The following DOCK1 variants were observed in gnomAD, a reference collection of about 807,000 sequenced individuals.
DOCK1 encodes dedicator of cytokinesis 1.
Under a neutral mutation model 262.7 loss-of-function variants are expected in DOCK1, and 138 were observed. The ratio of observed to expected loss-of-function variants is 0.53; its 90% confidence interval spans 0.46 to 0.61. The LOEUF is 0.61. DOCK1 is among the 20% of genes least tolerant of loss of function. DOCK1 has a pLI of 0.00. For missense variants in DOCK1, 1,908 were observed against 2,370.7 expected (o/e 0.80, Z 4.05); for synonymous variants, 866 against 867.4 (o/e 1.00, Z 0.03).
intron 27 of DOCK1, among the ~76,000 whole-genome samples, chr10:127,215,466 T>C (rs112747014): frequency 4.4e-4 from 67 of 152,284 alleles, no homozygotes; most frequent in African/African-American, 1.5e-3. Context: ...AGCCGGGGCA[T>C]CTAACCAAGA....
chr10:126,999,239 C>A, intron 8 of DOCK1, 115 bp from the exon 9 acceptor site: 1 of 732,044 alleles, frequency 1.4e-6, no homozygotes, highest in African/African-American at 1.8e-5. Flanking sequence ...TTTATAAACT[C>A]AATAGTTGTC....
intron 27 of DOCK1, among the ~76,000 whole-genome samples, chr10:127,210,981 C>G (rs2057948545): frequency 6.6e-6 from 1 of 152,112 alleles, no homozygotes. Flanking sequence ...TTTTGTTGTA[C>G]TTTATTATTT....
At chr10:127,183,637 C>T (rs1006399800) in intron 27 of DOCK1, among the ~76,000 whole-genome samples, 1 of 152,126 alleles carries the variant, frequency 6.6e-6, no homozygotes, top group Non-Finnish European at 1.5e-5. Context: ...ATACAGTTTG[C>T]AGTTCATGGC....
At chr10:127,413,333 G>A (rs895722106) in intron 43 of DOCK1, among the ~76,000 whole-genome samples, 6 of 152,188 alleles carry the variant, frequency 3.9e-5, no homozygotes, top group Non-Finnish European at 7.3e-5. Context: ...ATCCCCTAAT[G>A]GCCCTGTTGA....
chr10:127,123,384 A>G (rs1273034707), intron 25 of DOCK1, among the ~76,000 whole-genome samples: 1 of 152,178 alleles, frequency 6.6e-6, no homozygotes, highest in Admixed American at 6.5e-5. Context: ...GTTTCCAGCC[A>G]AAGGGCAAGA....
At chr10:126,918,175 C>T (rs1031431288) in intron 1 of DOCK1, among the ~76,000 whole-genome samples, 2 of 152,186 alleles carry the variant, frequency 1.3e-5, no homozygotes, top group African/African-American at 4.8e-5. Flanking sequence ...TCAGGATCAC[C>T]AGCGTGCAGC....
At chr10:127,297,846 A>C (rs2135410411) in intron 29 of DOCK1, among the ~76,000 whole-genome samples, 1 of 152,226 alleles carries the variant, frequency 6.6e-6, no homozygotes, top group Admixed American at 6.5e-5. Flanking sequence ...AAAGCTATGC[A>C]TTATTCAGAC....
At chr10:127,029,727 C>T (rs1231709040) in intron 16 of DOCK1, among the ~76,000 whole-genome samples, 3 of 152,178 alleles carry the variant, frequency 2.0e-5, no homozygotes, top group Non-Finnish European at 1.5e-5. Flanking sequence ...GTCCATTCCT[C>T]GGATGTGAAG....
At chr10:127,445,729 A>G (rs1397416335) in intron 50 of DOCK1, among the ~76,000 whole-genome samples, 1 of 152,220 alleles carries the variant, frequency 6.6e-6, no homozygotes, top group African/African-American at 2.4e-5. Context: ...ATTTTTCAAG[A>G]GCCAGTAAGC....
chr10:127,241,869 G>A (rs890515681), intron 27 of DOCK1, among the ~76,000 whole-genome samples: 3 of 152,146 alleles, frequency 2.0e-5, no homozygotes, highest in Non-Finnish European at 4.4e-5. Flanking sequence ...GGAGTGAGTT[G>A]GAGAGCCCCT....
chr10:127,375,868 T>G (rs1446398996), intron 35 of DOCK1, among the ~76,000 whole-genome samples: 2 of 152,134 alleles, frequency 1.3e-5, no homozygotes, highest in Non-Finnish European at 2.9e-5. Flanking sequence ...TTGAAAACAA[T>G]CAACAATTAT....
chr10:127,222,537 A>T (rs182844736), intron 27 of DOCK1, among the ~76,000 whole-genome samples: 1 of 152,294 alleles, frequency 6.6e-6, no homozygotes, highest in East Asian at 1.9e-4. Flanking sequence ...AACATCATAA[A>T]CAAGTTTCCT....
chr10:127,045,248 G>T (rs2044272257), intron 21 of DOCK1, among the ~76,000 whole-genome samples: 2 of 147,222 alleles, frequency 1.4e-5, no homozygotes, highest in Admixed American at 6.8e-5. Flanking sequence ...TCAATCTATG[G>T]AATCTGCTGA....
At chr10:126,949,064 C>T (rs2035922825) in intron 1 of DOCK1, among the ~76,000 whole-genome samples, 2 of 152,138 alleles carry the variant, frequency 1.3e-5, no homozygotes, top group Admixed American at 6.6e-5. Context: ...TCCTGGCCTC[C>T]CCTTTCTGGG....
At chr10:126,952,582 T>G (rs1255743549) in intron 1 of DOCK1, among the ~76,000 whole-genome samples, 1 of 151,878 alleles carries the variant, frequency 6.6e-6, no homozygotes, top group Non-Finnish European at 1.5e-5. Flanking sequence ...GGTGATGTAG[T>G]ATTGTTGGTA....
intron 23 of DOCK1, among the ~76,000 whole-genome samples, chr10:127,080,835 G>T (rs2046856255): frequency 6.6e-6 from 1 of 152,096 alleles, no homozygotes; most frequent in Admixed American, 6.6e-5. Flanking sequence ...ATAAGCGAGG[G>T]CCGAGTTAGC....
chr10:127,206,829 G>C (rs1191722998), intron 27 of DOCK1, among the ~76,000 whole-genome samples: 1 of 152,116 alleles, frequency 6.6e-6, no homozygotes, highest in East Asian at 1.9e-4. Context: ...TTCCTTCCCT[G>C]CTCCATTTTT....
At chr10:127,414,548 A>T (rs139556413) in intron 43 of DOCK1, among the ~76,000 whole-genome samples, 1 of 152,348 alleles carries the variant, frequency 6.6e-6, no homozygotes, top group African/African-American at 2.4e-5. Flanking sequence ...ACTTAGTAAG[A>T]AGTCTTGAAC....
At chr10:127,047,022 C>T (rs906199647) in intron 21 of DOCK1, among the ~76,000 whole-genome samples, 1 of 152,162 alleles carries the variant, frequency 6.6e-6, no homozygotes, top group African/African-American at 2.4e-5. Flanking sequence ...ATGTTGGTGA[C>T]TGGAGAAGTT....
Sources: allele counts gnomAD v4.1 joint callset (sites outside exome capture counted in the v4.1 genomes callset), GRCh38; gene constraint gnomAD v4.1.1; transcripts MANE v1.5; gene names NCBI Gene and HGNC (gene_info 2026-07-23, HGNC 2026-07-21).